Variants in RFPL1 observed in about 807,000 individuals in gnomAD.
The protein encoded by RFPL1 is ret finger protein like 1, also known as ret finger protein-like 1.
In RFPL1, 6 loss-of-function variants were observed where a neutral mutation model predicts 9.6. The observed-to-expected ratio is 0.62, with a 90% CI of 0.34 to 1.23. The LOEUF is 1.23. Ranked by LOEUF, RFPL1 falls within the 50% of genes most tolerant of loss-of-function variation. The pLI, the probability that RFPL1 is intolerant of heterozygous loss-of-function variation, is 0.03. For synonymous variants in RFPL1, 145 were observed against 149.4 expected (o/e 0.97, Z 0.22); for missense variants, 352 against 398.4 (o/e 0.88, Z 0.99).
At chr22:29,396,755 A>C in the RFPL1 span, among the ~76,000 whole-genome samples, 2 of 152,148 alleles carry the variant, frequency 1.3e-5, no homozygotes, top group African/African-American at 4.8e-5. Flanking sequence ...CTGGGACTAC[A>C]GGCACGTGCA....
At chr22:29,411,119 A>C in the RFPL1 span, among the ~76,000 whole-genome samples, 1,098 of 152,310 alleles carry the variant, frequency 7.2e-3, 13 homozygotes, top group African/African-American at 0.025. Context: ...GGAAGAGGAA[A>C]GGAGCTGAGC....
At chr22:29,438,171 GT>G (rs1204043835), upstream of RFPL1, 1 of 148,108 alleles carries the variant, frequency 6.8e-6, no homozygotes, top group African/African-American at 2.6e-5. Context: ...ACTGCATCCA[GT>G]CCCTCTCTTT....
At chr22:29,410,657 T>TATAGATAG in the RFPL1 span, among the ~76,000 whole-genome samples, 8 of 144,278 alleles carry the variant, frequency 5.5e-5, no homozygotes, top group South Asian at 4.3e-4. Context: ...TCTATCTATA[T>TATAGATAG]ATATATTTTT....
the RFPL1 span, among the ~76,000 whole-genome samples, chr22:29,407,787 G>T: frequency 2.6e-5 from 4 of 152,074 alleles, no homozygotes; most frequent in African/African-American, 9.7e-5. Flanking sequence ...TCTTTCCTTT[G>T]TGGGTAGCCA....
chr22:29,408,098 A>G, the RFPL1 span, among the ~76,000 whole-genome samples: 1 of 152,256 alleles, frequency 6.6e-6, no homozygotes, highest in East Asian at 1.9e-4. Context: ...ACAATTTGAA[A>G]AACACAACAG....
chr22:29,407,751 ATAT>A, the RFPL1 span, among the ~76,000 whole-genome samples: 1 of 152,184 alleles, frequency 6.6e-6, no homozygotes. Context: ...TCTTAAACAG[ATAT>A]TATTAGTATA....
the RFPL1 span, among the ~76,000 whole-genome samples, chr22:29,408,243 T>C: frequency 6.6e-6 from 1 of 152,202 alleles, no homozygotes; most frequent in Non-Finnish European, 1.5e-5. Context: ...CGCTGAACCA[T>C]ACAGTGCCTT....
At chr22:29,413,686 TG>T in the RFPL1 span, among the ~76,000 whole-genome samples, 2 of 152,254 alleles carry the variant, frequency 1.3e-5, no homozygotes, top group Non-Finnish European at 2.9e-5. Context: ...CAACTTTTAA[TG>T]TCTGACCATA....
chr22:29,397,451 C>T, the RFPL1 span, among the ~76,000 whole-genome samples: 101 of 152,122 alleles, frequency 6.6e-4, 1 homozygote, highest in Middle Eastern at 3.2e-3. Context: ...TTTTCCTAAC[C>T]GCCCTGTAGC....
At chr22:29,423,966 G>A in the RFPL1 span, among the ~76,000 whole-genome samples, 54 of 152,204 alleles carry the variant, frequency 3.5e-4, no homozygotes, top group African/African-American at 1.2e-3. Context: ...GCCAAGGCAC[G>A]TGGATCACCT....
At chr22:29,413,061 G>C in the RFPL1 span, among the ~76,000 whole-genome samples, 37 of 151,942 alleles carry the variant, frequency 2.4e-4, no homozygotes, top group African/African-American at 8.0e-4. Context: ...TAAATGTATG[G>C]TAGGATCAGA....
upstream of RFPL1, chr22:29,438,187 T>A (rs1330205360): frequency 6.7e-6 from 1 of 149,344 alleles, no homozygotes; most frequent in Admixed American, 6.8e-5. Flanking sequence ...CTCTTTTTTT[T>A]TTTTTTTTTT....
At chr22:29,430,197 T>C in the RFPL1 span, among the ~76,000 whole-genome samples, 2 of 152,158 alleles carry the variant, frequency 1.3e-5, no homozygotes, top group Non-Finnish European at 2.9e-5. Flanking sequence ...TTTTCAAAGA[T>C]GATTTTTGGG....
chr22:29,410,411 A>AC, the RFPL1 span, among the ~76,000 whole-genome samples: 1 of 93,522 alleles, frequency 1.1e-5, no homozygotes, highest in Non-Finnish European at 1.9e-5. Flanking sequence ...ATATATCTAT[A>AC]TATATAGATA....
the RFPL1 span, among the ~76,000 whole-genome samples, chr22:29,402,219 T>C: frequency 5.9e-5 from 9 of 152,192 alleles, no homozygotes; most frequent in African/African-American, 1.9e-4. Context: ...TCCATCTAGA[T>C]TGATTCTGTA....
rs1356963184 is a variant in RFPL1 at position 29,441,620 on chromosome 22, G to T, written c.452G>T (p.Cys151Phe). 5 of 1,613,830 alleles carry T rather than the reference G, an allele frequency of 3.1e-6. No homozygotes were observed. Among genetic ancestry groups the T allele is most frequent in the Non-Finnish European group, 4.2e-6 (5 of 1,179,870 alleles). The change falls in exon 2 of 2, where the codon TGC (cysteine) becomes TTC (phenylalanine). Residue 151 changes from cysteine to phenylalanine, a missense_variant. Transcript: ENST00000354373. ...GACCTCAGGAGCGTCCGAAGTGGGT[G>T]CATCACACAGAATCGGCAAGACCTT...
At chr22:29,392,551 G>A in the RFPL1 span, among the ~76,000 whole-genome samples, 3 of 151,900 alleles carry the variant, frequency 2.0e-5, no homozygotes, top group South Asian at 6.2e-4. Flanking sequence ...CACCATGCCT[G>A]GTTAATTTTT....
the RFPL1 span, among the ~76,000 whole-genome samples, chr22:29,397,166 C>T: frequency 6.6e-6 from 1 of 152,130 alleles, no homozygotes; most frequent in Admixed American, 6.5e-5. Flanking sequence ...ACCTCGGCCT[C>T]CCAAAGTGCT....
the RFPL1 span, among the ~76,000 whole-genome samples, chr22:29,412,795 C>T: frequency 1.3e-5 from 2 of 152,092 alleles, no homozygotes; most frequent in African/African-American, 4.8e-5. Context: ...GCCCCACACT[C>T]ATCCTGGAGC....
Sources: allele counts gnomAD v4.1 joint callset (sites outside exome capture counted in the v4.1 genomes callset), GRCh38; gene constraint gnomAD v4.1.1; transcripts MANE v1.5; gene names NCBI Gene and HGNC (gene_info 2026-07-23, HGNC 2026-07-21).